CELF2: variants seen among roughly 807,000 people sequenced by gnomAD.
CELF2 encodes the protein CUGBP Elav-like family member 2, also known as CUG triplet repeat RNA-binding protein 2.
A neutral mutation model predicts 62.6 loss-of-function variants in CELF2; 8 were observed. That is an observed-to-expected ratio of 0.13 (90% confidence interval 0.07 to 0.23). The LOEUF (loss-of-function observed/expected upper bound fraction) is 0.23, where lower values mean the gene tolerates loss of function less well. Among genes scored for constraint, CELF2 ranks in the 10% least tolerant of loss-of-function variants. CELF2 has a pLI of 1.00. For missense variants in CELF2, 333 were observed against 671.0 expected (o/e 0.50, Z 5.56); for synonymous variants, 258 against 250.0 (o/e 1.03, Z -0.30).
intron 1 of CELF2, among the ~76,000 whole-genome samples, chr10:10,820,780 A>G (rs909984501): frequency 1.3e-5 from 2 of 152,236 alleles, no homozygotes; most frequent in East Asian, 1.9e-4. Context: ...TCAAGGCCGC[A>G]TTGAAGATTT....
At position 11,237,118 on chromosome 10, in the gene CELF2, C is replaced by G. The variant is rs1030539210; in HGVS notation, c.355-12035C>G. Among the ~76,000 whole-genome samples the G allele has an allele frequency of 2.6e-5, 4 of 151,998 alleles. No individual in the cohort carries two copies. The highest frequency in any genetic ancestry group is 9.7e-5 in the African/African-American group (4 of 41,366). On this transcript the variant is annotated intron_variant, in intron 3 of 12. Transcript: ENST00000633077. The surrounding 1 kb of genome is among the most constrained non-coding windows in gnomAD (Gnocchi z 4.0). The stretch of plus-strand genomic sequence containing the variant: ...ACCAGAACTGGTGAGGAGGCTGTTT[C>G]GGGGATCCAGGTGAGCAGGAATGAA...
At chr10:10,545,374 C>A in the CELF2 span, among the ~76,000 whole-genome samples, 1 of 152,232 alleles carries the variant, frequency 6.6e-6, no homozygotes, top group African/African-American at 2.4e-5. Flanking sequence ...GGCTAGTAAT[C>A]CCGTCACTGG....
chr10:11,109,402 C>G (rs1465225571), intron 1 of CELF2, among the ~76,000 whole-genome samples: 1 of 152,198 alleles, frequency 6.6e-6, no homozygotes, highest in African/African-American at 2.4e-5. Flanking sequence ...GATGCAAGGA[C>G]TCACTGGAGC....
intron 1 of CELF2, among the ~76,000 whole-genome samples, chr10:10,828,571 CT>C (rs1307489425): frequency 6.6e-6 from 1 of 152,076 alleles, no homozygotes; most frequent in Non-Finnish European, 1.5e-5. Flanking sequence ...GAAAAGAGTT[CT>C]GAAGATTAGT....
chr10:10,869,389 C>T (rs993035398), intron 1 of CELF2, among the ~76,000 whole-genome samples: 9 of 152,078 alleles, frequency 5.9e-5, no homozygotes, highest in Non-Finnish European at 1.0e-4. Context: ...CAGTGAAACC[C>T]CATCTCTACT....
chr10:11,287,401 A>T (rs2091596188), intron 8 of CELF2, among the ~76,000 whole-genome samples: 1 of 152,238 alleles, frequency 6.6e-6, no homozygotes, highest in Non-Finnish European at 1.5e-5. Context: ...AAAGATAGTT[A>T]AACTAACTAT....
chr10:10,885,742 T>C (rs1385238608), intron 1 of CELF2, among the ~76,000 whole-genome samples: 2 of 152,190 alleles, frequency 1.3e-5, no homozygotes, highest in East Asian at 1.9e-4. Flanking sequence ...GATGTGCCTT[T>C]CCCAGCTTCC....
chr10:10,916,520 A>C lies in CELF2; in HGVS notation c.54-3444A>C, dbSNP rs184892694. ...CTTTTGCTTTCAAGGTAGGGCCAACACCTTTGTCTTTGAATGTGTGATTCA... is the reference window on the plus strand; with the variant it reads ...CTTTTGCTTTCAAGGTAGGGCCAACCCCTTTGTCTTTGAATGTGTGATTCA... On this transcript the variant is annotated intron_variant, in intron 1 of 13. Coordinates refer to the CELF2 transcript ENST00000636488. 2.8e-3 allele frequency among the ~76,000 whole-genome samples: 419 copies of C among 152,310 alleles called. 1 individual carries two copies. Among genetic ancestry groups the C allele is most frequent in the African/African-American group, 9.8e-3 (409 of 41,562 alleles).
At chr10:11,204,532 C>T (rs939705821) in intron 2 of CELF2, among the ~76,000 whole-genome samples, 4 of 152,376 alleles carry the variant, frequency 2.6e-5, no homozygotes, top group East Asian at 1.9e-4. Context: ...CCTGGCACCA[C>T]GCCATGCCTT....
chr10:11,206,193 G>A (rs1210978741), intron 2 of CELF2, among the ~76,000 whole-genome samples: 2 of 152,172 alleles, frequency 1.3e-5, no homozygotes, highest in Non-Finnish European at 2.9e-5. Context: ...CTTAGTCCAG[G>A]GAATTCAAGC....
At chr10:11,128,876 T>A (rs1037343594) in intron 1 of CELF2, among the ~76,000 whole-genome samples, 3 of 152,206 alleles carry the variant, frequency 2.0e-5, no homozygotes, top group African/African-American at 7.2e-5. Context: ...TATTGCTTTC[T>A]CTTGACTGAT....
chr10:10,988,292 T>G (rs2895454), intron 2 of CELF2, among the ~76,000 whole-genome samples: 2,532 of 148,850 alleles, frequency 0.017, 35 homozygotes, highest in South Asian at 0.028. Context: ...TATATATATA[T>G]ATAGAGAGAG....
intron 3 of CELF2, among the ~76,000 whole-genome samples, chr10:11,232,954 G>A (rs1325525343): frequency 6.6e-6 from 1 of 152,090 alleles, no homozygotes; most frequent in Non-Finnish European, 1.5e-5. Flanking sequence ...ACTATAGCTT[G>A]GACTCCTTGG....
chr10:11,079,409 C>A (rs951364700), intron 1 of CELF2, among the ~76,000 whole-genome samples: 1 of 152,190 alleles, frequency 6.6e-6, no homozygotes, highest in Non-Finnish European at 1.5e-5. Context: ...GGCTCTGTGT[C>A]CCCACCCAAA....
At chr10:10,968,217 CT>C (rs1039059608) in intron 2 of CELF2, among the ~76,000 whole-genome samples, 4 of 151,334 alleles carry the variant, frequency 2.6e-5, no homozygotes, top group Admixed American at 6.6e-5. Flanking sequence ...GACAGCGCAT[CT>C]TTTTTTTTGT....
chr10:10,608,085 G>A, the CELF2 span, among the ~76,000 whole-genome samples: 4 of 152,112 alleles, frequency 2.6e-5, no homozygotes, highest in South Asian at 6.2e-4. Flanking sequence ...CTGAAATAGC[G>A]CCATTGTACT....
the CELF2 span, among the ~76,000 whole-genome samples, chr10:10,527,048 C>T: frequency 6.6e-6 from 1 of 152,066 alleles, no homozygotes; most frequent in African/African-American, 2.4e-5. Flanking sequence ...TTTGCATAAA[C>T]ACATGAAAAA....
rs2135336136 is a variant in CELF2 at position 10,936,822 on chromosome 10, T to C, written c.89+16823T>C. The C allele has an allele frequency of 1.3e-5, 2 of 152,306 alleles. No homozygotes were observed. The allele number at this position is 152,306 out of a possible 1,614,324, so 9.4% of individuals were successfully genotyped here. A position where few individuals can be genotyped will look rare whatever the true frequency, so the allele number is the denominator to read the frequency against. Reference sequence around the variant, plus strand: ...GGTGGCTATGGAAGTGACCGGAGGATTGTGTTTAAATGCATGTTCTGATTC... The same window carrying C: ...GGTGGCTATGGAAGTGACCGGAGGACTGTGTTTAAATGCATGTTCTGATTC... On this transcript the variant is annotated intron_variant, in intron 2 of 13. Coordinates refer to the CELF2 transcript ENST00000636488. The surrounding 1 kb of genome is among the most constrained non-coding windows in gnomAD (Gnocchi z 4.0).
chr10:10,503,348 C>A, the CELF2 span, among the ~76,000 whole-genome samples: 3 of 151,786 alleles, frequency 2.0e-5, no homozygotes, highest in African/African-American at 7.2e-5. Flanking sequence ...ACTCTAATTG[C>A]GAATTTTTCT....
Sources: allele counts gnomAD v4.1 joint callset (sites outside exome capture counted in the v4.1 genomes callset), GRCh38; gene constraint gnomAD v4.1.1; non-coding constraint Gnocchi (gnomAD v3.1); transcripts MANE v1.5; gene names NCBI Gene and HGNC (gene_info 2026-07-23, HGNC 2026-07-21).